Variants in UBE2W observed in about 807,000 individuals in gnomAD.
UBE2W encodes ubiquitin-conjugating enzyme E2 W.
Under a neutral mutation model 27.2 loss-of-function variants are expected in UBE2W, and 18 were observed. That is an observed-to-expected ratio of 0.66 (90% confidence interval 0.46 to 0.98). The LOEUF is 0.98. Among genes scored for constraint, UBE2W ranks in the 50% least tolerant of loss-of-function variants. The probability of loss-of-function intolerance (pLI) is 0.00; values close to 1 mark genes in which losing one functional copy is unlikely to be tolerated. For synonymous variants in UBE2W, 53 were observed against 57.2 expected (o/e 0.93, Z 0.33); for missense variants, 90 against 180.2 (o/e 0.50, Z 2.87).
chr8:73,857,077 T>C (rs541069601), intron 1 of UBE2W, among the ~76,000 whole-genome samples: 51 of 152,270 alleles, frequency 3.3e-4, no homozygotes, highest in Non-Finnish European at 4.4e-5. Flanking sequence ...AATACACACA[T>C]AATAACAAGA....
intron 1 of UBE2W, among the ~76,000 whole-genome samples, chr8:73,860,979 A>G (rs1408956832): frequency 6.6e-6 from 1 of 152,146 alleles, no homozygotes; most frequent in Non-Finnish European, 1.5e-5. Context: ...TTAGCTGAGC[A>G]TGGTGGCATG....
At chr8:73,844,151 CTAA>C (rs1355599622) in intron 1 of UBE2W, among the ~76,000 whole-genome samples, 1 of 97,894 alleles carries the variant, frequency 1.0e-5, no homozygotes, top group African/African-American at 4.1e-5. Flanking sequence ...TTAAAAAGAG[CTAA>C]TTCCCCTCCC....
At chr8:73,841,685 T>C (rs1161892077) in intron 1 of UBE2W, among the ~76,000 whole-genome samples, 3 of 152,094 alleles carry the variant, frequency 2.0e-5, no homozygotes, top group African/African-American at 4.8e-5. Flanking sequence ...AATGGCAGAG[T>C]ATATACCCCG....
intron 1 of UBE2W, among the ~76,000 whole-genome samples, chr8:73,842,510 C>T (rs1810579657): frequency 9.4e-6 from 1 of 106,246 alleles, no homozygotes; most frequent in African/African-American, 3.9e-5. Context: ...GCCTGGGCGA[C>T]AGAGGGAGAC....
chr8:73,825,136 A>G lies in UBE2W; in HGVS notation c.210+11T>C. The G allele has an allele frequency of 6.6e-7, 1 of 1,514,858 alleles. No homozygotes were observed. The highest frequency in any genetic ancestry group is 8.8e-7 in the Non-Finnish European group (1 of 1,133,090). The allele number at this position is 1,514,858 out of a possible 1,614,324, so 93.8% of individuals were successfully genotyped here. The stretch of plus-strand genomic sequence containing the variant: ...AAATACAAAAAAAAAAATTTAAAGC[A>G]AGGCAATTACCTGAGGAGAGTCAAA... On this transcript the variant is annotated intron_variant, in intron 3 of 5. Transcript: ENST00000602593.
chr8:73,792,833 T>C lies in UBE2W; in HGVS notation c.*1269A>G, dbSNP rs1808258548. On this transcript the variant is annotated 3_prime_UTR_variant, in exon 6 of 6. Coordinates refer to ENST00000602593, the MANE Select transcript of UBE2W (RefSeq NM_018299.6). The stretch of plus-strand genomic sequence containing the variant: ...AAGTTTCATCTAGCTGTAAGCAAAG[T>C]CTTTTCAACAACAACAAAACAAAAC... The C allele has an allele frequency of 7.1e-6, 7 of 985,426 alleles. No homozygotes were observed. The highest frequency in any genetic ancestry group is 8.4e-6 in the Non-Finnish European group (7 of 829,834). 61.0% of individuals were successfully genotyped at this position (985,426 alleles called of 1,614,324 possible). A position where few individuals can be genotyped will look rare whatever the true frequency, so the allele number is the denominator to read the frequency against.
intron 1 of UBE2W, among the ~76,000 whole-genome samples, chr8:73,842,244 T>TG (rs974147061): frequency 6.6e-6 from 1 of 151,758 alleles, no homozygotes; most frequent in African/African-American, 2.4e-5. Context: ...AAGAATGACG[T>TG]GGGGCCGGGC....
intron 1 of UBE2W, among the ~76,000 whole-genome samples, chr8:73,849,329 T>C (rs1028885607): frequency 6.6e-6 from 1 of 151,718 alleles, no homozygotes; most frequent in Admixed American, 6.6e-5. Flanking sequence ...CTGGCCAACG[T>C]TGTAAAACCC....
intron 1 of UBE2W, among the ~76,000 whole-genome samples, chr8:73,837,746 G>A (rs1304937966): frequency 2.0e-5 from 3 of 152,168 alleles, no homozygotes; most frequent in African/African-American, 7.2e-5. Context: ...CCAGCCCTGA[G>A]TAAATTTAAT....
intron 3 of UBE2W, among the ~76,000 whole-genome samples, chr8:73,815,294 G>C (rs1337617654): frequency 6.6e-6 from 1 of 152,114 alleles, no homozygotes; most frequent in Non-Finnish European, 1.5e-5. Context: ...AGGATTGTTT[G>C]AGCCAGGAGT....
intron 4 of UBE2W, among the ~76,000 whole-genome samples, chr8:73,806,114 C>T (rs1334898075): frequency 6.6e-6 from 1 of 152,038 alleles, no homozygotes; most frequent in Non-Finnish European, 1.5e-5. Context: ...AAGATTGTGA[C>T]ATTGCACTCC....
At chr8:73,809,668 C>T (rs1809066631) in intron 4 of UBE2W, among the ~76,000 whole-genome samples, 1 of 152,124 alleles carries the variant, frequency 6.6e-6, no homozygotes, top group South Asian at 2.1e-4. Flanking sequence ...TCACTGCAAC[C>T]TCCTGGGTTC....
intron 3 of UBE2W, among the ~76,000 whole-genome samples, chr8:73,813,081 C>CAAAAA (rs1809228993): frequency 8.5e-4 from 3 of 3,550 alleles, no homozygotes; most frequent in East Asian, 0.031. Flanking sequence ...CTGAAAGTGC[C>CAAAAA]ACAAAAAAAA....
chr8:73,873,063 G>C (rs1231435571), intron 1 of UBE2W, among the ~76,000 whole-genome samples: 1 of 151,814 alleles, frequency 6.6e-6, no homozygotes, highest in East Asian at 1.9e-4. Flanking sequence ...GCTCTACCAC[G>C]CCTGGCTAAT....
At chr8:73,872,718 G>A (rs974604078) in intron 1 of UBE2W, among the ~76,000 whole-genome samples, 1 of 152,108 alleles carries the variant, frequency 6.6e-6, no homozygotes, top group Admixed American at 6.5e-5. Flanking sequence ...CAAGAATTAA[G>A]CATTTACTAA....
downstream of UBE2W, among the ~76,000 whole-genome samples, chr8:73,784,410 G>A (rs1304830119): frequency 1.3e-5 from 2 of 152,164 alleles, no homozygotes; most frequent in African/African-American, 4.8e-5. Flanking sequence ...TTCTTCAGAA[G>A]ATCCCAAGTT....
chr8:73,794,510 C>T (rs1402665869), intron 5 of UBE2W, among the ~76,000 whole-genome samples: 3 of 152,154 alleles, frequency 2.0e-5, no homozygotes, highest in South Asian at 2.1e-4. Flanking sequence ...CAGAATAATA[C>T]ACAATTTGTC....
intron 1 of UBE2W, chr8:73,834,017 C>T (rs909861040): frequency 3.9e-5 from 6 of 152,146 alleles, no homozygotes; most frequent in African/African-American, 1.4e-4. Context: ...ATAGCTGGGA[C>T]AACAGGCACC....
intron 1 of UBE2W, among the ~76,000 whole-genome samples, chr8:73,850,771 A>G (rs976871700): frequency 3.3e-5 from 5 of 150,720 alleles, no homozygotes; most frequent in Admixed American, 6.6e-5. Flanking sequence ...AAGGGGCTTC[A>G]AAGGTAATGG....
Sources: gnomAD v4.1 joint callset for allele counts (sites outside exome capture counted in the v4.1 genomes callset) on GRCh38, gnomAD v4.1.1 for gene constraint, MANE v1.5 for transcripts, NCBI Gene and HGNC (gene_info 2026-07-23, HGNC 2026-07-21) for gene names.